Variants in CDC42 observed in about 807,000 individuals in gnomAD.
CDC42 encodes the protein cell division cycle 42.
Under a neutral mutation model 20.8 loss-of-function variants are expected in CDC42, and 1 was observed. The ratio of observed to expected loss-of-function variants is 0.05; its 90% CI spans 0.02 to 0.23. The LOEUF (loss-of-function observed/expected upper bound fraction) is 0.23, where lower values mean the gene tolerates loss of function less well. CDC42 is among the 10% of genes least tolerant of loss of function. The pLI, the probability that CDC42 is intolerant of heterozygous loss-of-function variation, is 1.00. For synonymous variants in CDC42, 72 were observed against 84.8 expected, an observed-to-expected ratio of 0.85 and a Z score of 0.83; for missense variants, 49 against 227.9, an observed-to-expected ratio of 0.21 and a Z score of 5.05.
At chr1:22,090,331 C>T in intron 5 of CDC42, 1 of 1,079,114 alleles carries the variant, frequency 9.3e-7, no homozygotes, top group Non-Finnish European at 1.1e-6. Context: ...TAAGAATGTC[C>T]TCTTGGAGAA....
chr1:22,076,479 C>T (rs1645551755), intron 1 of CDC42, among the ~76,000 whole-genome samples: 1 of 152,070 alleles, frequency 6.6e-6, no homozygotes, highest in Non-Finnish European at 1.5e-5. Context: ...AGTCAGACTG[C>T]TTGGGTTTAA....
At chr1:22,090,461 G>A (rs1645704327) in intron 5 of CDC42, 2 of 994,954 alleles carry the variant, frequency 2.0e-6, no homozygotes, top group Non-Finnish European at 2.4e-6. Flanking sequence ...TATGGAAAAG[G>A]GGTGACCTAG....
intron 1 of CDC42, among the ~76,000 whole-genome samples, chr1:22,060,199 A>G (rs934398936): frequency 6.6e-6 from 1 of 152,000 alleles, no homozygotes; most frequent in African/African-American, 2.4e-5. Flanking sequence ...AAAATTAGCC[A>G]TGGTGGCATG....
rs1645731858 is a variant in CDC42, at chr1:22,092,938, C to T, written c.*1421C>T. The T allele has an allele frequency of 6.6e-6, 1 of 152,552 alleles. No individual in the cohort carries two copies. The highest frequency in any genetic ancestry group is 2.1e-4 in the South Asian group (1 of 4,832). 9.4% of individuals were successfully genotyped at this position (152,552 alleles called of 1,614,324 possible). ...TCAGATGTATTAAACAAACAAAAACCCTTCACAAGCCAGCCTGAGGGTTGT... is the reference window on the plus strand; with the variant it reads ...TCAGATGTATTAAACAAACAAAAACTCTTCACAAGCCAGCCTGAGGGTTGT... On this transcript the variant is annotated 3_prime_UTR_variant, in exon 6 of 6. Coordinates refer to ENST00000656825, the MANE Select transcript of CDC42 (RefSeq NM_001791.4).
chr1:22,065,289 G>A (rs1645410539), intron 1 of CDC42, among the ~76,000 whole-genome samples: 1 of 152,176 alleles, frequency 6.6e-6, no homozygotes, highest in Non-Finnish European at 1.5e-5. Context: ...TTAAAATAGG[G>A]CGAGGTGGTT....
At chr1:22,078,759 T>G in intron 2 of CDC42, 176 bp downstream of exon 2, 1 of 1,490,996 alleles carries the variant, frequency 6.7e-7, no homozygotes, top group Non-Finnish European at 8.9e-7. Flanking sequence ...GAAAAATCAG[T>G]GGAAAGTCAG....
In CDC42 at chr1:22,088,747, A is replaced by G. The variant is rs572071179; in HGVS notation, c.486+1881A>G. ...CCTCCTCTTTTTTTCCTTATAAAGTATATTTCCCTTTCTGTACTCCTTCCT... is the reference window on the plus strand; with the variant it reads ...CCTCCTCTTTTTTTCCTTATAAAGTGTATTTCCCTTTCTGTACTCCTTCCT... On this transcript the variant is annotated intron_variant, in intron 5 of 5. Transcript: ENST00000656825. 2.6e-5 allele frequency among the ~76,000 whole-genome samples: 4 copies of G among 152,298 alleles called. No homozygotes were observed. In the South Asian group the frequency reaches 8.3e-4, roughly 32 times the overall value.
chr1:22,078,397 T>C, intron 1 of CDC42, 32 bp from the exon 2 acceptor site: 1 of 1,076,534 alleles, frequency 9.3e-7, no homozygotes, highest in Non-Finnish European at 1.4e-6. Context: ...TATGTAAGTA[T>C]AAATAAACAA....
Position 22,092,923 on chromosome 1 carries a change from TAAAC to T in CDC42, c.*1414_*1417del, listed in dbSNP as rs894038449. ...GTATATGCATTCTTTTCAGATGTATTAAACAAACAAAAACCCTTCACAAGCCAGC... is the reference window on the plus strand; with the variant it reads ...GTATATGCATTCTTTTCAGATGTATTAAACAAAAACCCTTCACAAGCCAGC... On this transcript the variant is annotated 3_prime_UTR_variant, in exon 6 of 6. Transcript: ENST00000656825. 1.3e-5 allele frequency: 2 copies of T among 152,606 alleles called. No individual in the cohort carries two copies. The highest frequency in any genetic ancestry group is 2.1e-4 in the South Asian group (1 of 4,826). The allele number at this position is 152,606 out of a possible 1,614,324, so 9.5% of individuals were successfully genotyped here. A position where few individuals can be genotyped will look rare whatever the true frequency, so the allele number is the denominator to read the frequency against.
chr1:22,090,235 G>C, intron 5 of CDC42: 2 of 1,257,546 alleles, frequency 1.6e-6, no homozygotes, highest in East Asian at 6.3e-5. Context: ...AGTTGGACTT[G>C]TTTTAACGTT....
At chr1:22,057,250 G>A (rs1174151521) in intron 1 of CDC42, among the ~76,000 whole-genome samples, 1 of 152,110 alleles carries the variant, frequency 6.6e-6, no homozygotes, top group Non-Finnish European at 1.5e-5. Context: ...CACATAGTGA[G>A]TGCTGTATAG....
intron 1 of CDC42, among the ~76,000 whole-genome samples, chr1:22,077,774 C>T (rs755212568): frequency 4.6e-5 from 7 of 152,158 alleles, no homozygotes; most frequent in Non-Finnish European, 8.8e-5. Flanking sequence ...GTAAGAGAAG[C>T]TATAGTATCT....
Position 22,074,719 on chromosome 1 carries a change from T to A in CDC42, c.-50-3710T>A, listed in dbSNP as rs1275798527. On this transcript the variant is annotated intron_variant, in intron 1 of 5. Transcript: ENST00000656825. ...ACAGGTGAGCCACTGTGCTCTTTAA[T>A]ACATGTGTTAAAGGGCAAAACTACA... 2.6e-5 allele frequency among the ~76,000 whole-genome samples: 4 copies of A among 152,200 alleles called. No homozygotes were observed. The East Asian group carries it at 7.7e-4, about 29-fold the overall frequency.
At chr1:22,064,242 A>G (rs1645396882) in intron 1 of CDC42, 1 of 152,068 alleles carries the variant, frequency 6.6e-6, no homozygotes. Flanking sequence ...TTGAGGGAAA[A>G]TCTTACTGTA....
At chr1:22,067,825 T>C (rs754893050) in intron 1 of CDC42, among the ~76,000 whole-genome samples, 3 of 152,174 alleles carry the variant, frequency 2.0e-5, no homozygotes, top group Non-Finnish European at 4.4e-5. Context: ...TGTCAGCTTA[T>C]GAATTTTGGG....
chr1:22,098,861 C>T lies in CDC42; in HGVS notation c.*7344C>T, dbSNP rs527899861. On this transcript the variant is annotated 3_prime_UTR_variant, in exon 6 of 6. Transcript: ENST00000656825. ...GCATCCTTGACCTCCCCAGCTCAAG[C>T]GATCCTCCCGCCTCAGCCTCCCGAG... Among the ~76,000 whole-genome samples the T allele has an allele frequency of 7.6e-4, 116 of 152,232 alleles. 1 individual carries two copies. The Middle Eastern group carries it at 0.014, about 18-fold the overall frequency.
rs376379183 is a variant in CDC42, at chr1:22,098,941, TAG to T, written c.*7429_*7430del. 3.0e-4 allele frequency among the ~76,000 whole-genome samples: 46 copies of T among 152,228 alleles called. No individual in the cohort carries two copies. The highest frequency in any genetic ancestry group is 9.6e-4 in the African/African-American group (40 of 41,548). On this transcript the variant is annotated 3_prime_UTR_variant, in exon 6 of 6. Transcript: ENST00000656825. ...GCCTGGCTCATTTTTGCATTTTGTG[TAG>T]AGAGGGGGTTTTGCCATTTTACCCA...
At chr1:22,057,915 G>C (rs1190864315) in intron 1 of CDC42, among the ~76,000 whole-genome samples, 1 of 148,420 alleles carries the variant, frequency 6.7e-6, no homozygotes, top group Non-Finnish European at 1.5e-5. Context: ...GTAGAGGTGG[G>C]GGGGTTTCAC....
rs1252844237 is a variant in CDC42, at chr1:22,099,878, G to A, written c.*8361G>A. 6.6e-6 allele frequency among the ~76,000 whole-genome samples: 1 copy of A among 150,704 alleles called. No homozygotes were observed. The highest frequency in any genetic ancestry group is 2.0e-4 in the East Asian group (1 of 5,120). On this transcript the variant is annotated 3_prime_UTR_variant, in exon 6 of 6. Transcript: ENST00000656825. The stretch of plus-strand genomic sequence containing the variant: ...CATTTTTTCATATGTGGAAACTGAG[G>A]CATGTTATGATACAAAGCTTGTCCA...
Sources: allele counts gnomAD v4.1 joint callset (sites outside exome capture counted in the v4.1 genomes callset), GRCh38; gene constraint gnomAD v4.1.1; transcripts MANE v1.5; gene names NCBI Gene and HGNC (gene_info 2026-07-23, HGNC 2026-07-21).